MTRFR: variants seen among roughly 807,000 people sequenced by gnomAD.
The protein encoded by MTRFR is mitochondrial translation release factor in rescue, also known as probable peptide chain release factor C12orf65, mitochondrial.
In MTRFR, 10 loss-of-function variants were observed where a neutral mutation model predicts 11.9. The observed-to-expected ratio is 0.84, with a 90% CI of 0.52 to 1.42. The LOEUF (loss-of-function observed/expected upper bound fraction) is 1.42. MTRFR is among the 40% of genes most tolerant of loss of function. The pLI is 0.00. For missense variants in MTRFR, 196 were observed against 197.9 expected (o/e 0.99, Z 0.06); for synonymous variants, 77 against 79.1 (o/e 0.97, Z 0.14).
At chr12:123,254,357 T>G in intron 2 of MTRFR, 1 of 216,728 alleles carries the variant, frequency 4.6e-6, no homozygotes, top group Non-Finnish European at 9.4e-6. Context: ...GCTGCCGAGA[T>G]CCCCAGCATT....
In MTRFR at chr12:123,257,044, AG is replaced by A. The variant is rs886049040; in HGVS notation, c.*14del. 3.1e-6 allele frequency: 5 copies of A among 1,597,928 alleles called. No individual in the cohort carries two copies. Among genetic ancestry groups the A allele is most frequent in the Non-Finnish European group, 4.3e-6 (5 of 1,167,120 alleles). ...AAAGGTCCACTGAGAAAAGAATTAG[AG>A]ATTCCAACTGACAGAATCTGCCAGA... On this transcript the variant is annotated 3_prime_UTR_variant, in exon 3 of 3. Coordinates refer to ENST00000253233, the MANE Select transcript of MTRFR (RefSeq NM_152269.5).
At chr12:123,235,697 G>A (rs766149903) in intron 1 of MTRFR, among the ~76,000 whole-genome samples, 29 of 151,020 alleles carry the variant, frequency 1.9e-4, no homozygotes, top group Admixed American at 1.5e-3. Flanking sequence ...TTAATTAATT[G>A]TTCACAGTCA....
intron 1 of MTRFR, among the ~76,000 whole-genome samples, chr12:123,237,334 A>G (rs2138742671): frequency 6.6e-6 from 1 of 152,122 alleles, no homozygotes; most frequent in South Asian, 2.1e-4. Context: ...GGAGGCTGAG[A>G]CAGGAGAATC....
chr12:123,241,141 G>C, intron 1 of MTRFR, among the ~76,000 whole-genome samples: 1 of 148,828 alleles, frequency 6.7e-6, no homozygotes, highest in South Asian at 2.1e-4. Flanking sequence ...ATTTGGGGTT[G>C]TTTTTTTTTT....
chr12:123,246,707 C>G (rs1392006774), intron 1 of MTRFR, among the ~76,000 whole-genome samples: 1 of 110,392 alleles, frequency 9.1e-6, no homozygotes, highest in African/African-American at 4.9e-5. Context: ...GATATAATTT[C>G]AATTTTTTTT....
At chr12:123,252,538 T>G (rs567813155) in intron 1 of MTRFR, 1 of 150,166 alleles carries the variant, frequency 6.7e-6, no homozygotes, top group Non-Finnish European at 1.5e-5. Context: ...TTCAAATCCA[T>G]GAAACTGGAA....
At chr12:123,255,211 G>A (rs184799698) in intron 2 of MTRFR, among the ~76,000 whole-genome samples, 2 of 152,172 alleles carry the variant, frequency 1.3e-5, no homozygotes, top group Admixed American at 6.5e-5. Flanking sequence ...CCTGCCCAAG[G>A]TCCTGCCACT....
chr12:123,235,720 C>G (rs1593269804), intron 1 of MTRFR, among the ~76,000 whole-genome samples: 1 of 151,650 alleles, frequency 6.6e-6, no homozygotes, highest in East Asian at 1.9e-4. Flanking sequence ...GATCAAACTT[C>G]TTGTTCTACT....
At chr12:123,237,422 C>T (rs1200476042) in intron 1 of MTRFR, among the ~76,000 whole-genome samples, 1 of 152,162 alleles carries the variant, frequency 6.6e-6, no homozygotes, top group Non-Finnish European at 1.5e-5. Flanking sequence ...AAGCGAAACT[C>T]CGGCTCAAAA....
intron 1 of MTRFR, among the ~76,000 whole-genome samples, chr12:123,241,770 C>G (rs544835150): frequency 6.6e-6 from 1 of 152,312 alleles, no homozygotes; most frequent in South Asian, 2.1e-4. Context: ...TTGCTCCGGC[C>G]ACAGGCCTTG....
At chr12:123,251,001 GGTCT>G (rs2048105136) in intron 1 of MTRFR, 1 of 152,310 alleles carries the variant, frequency 6.6e-6, no homozygotes, top group Non-Finnish European at 1.5e-5. Context: ...TCCTTGGGCG[GGTCT>G]TGCTGCGGCT....
chr12:123,233,834 G>T, intron 1 of MTRFR: 1 of 153,146 alleles, frequency 6.5e-6, no homozygotes, highest in Non-Finnish European at 1.5e-5. Context: ...GAGGCCCAAG[G>T]CGAAACGGAA....
In MTRFR at chr12:123,234,249, A is replaced by C. The variant is rs549589982; in HGVS notation, c.-29+718A>C. ...CCTCCAGGAGTTCTGGCTCACAGTA[A>C]AGGGACTTCCCTGGCACTATCACTT... On this transcript the variant is annotated intron_variant, in intron 1 of 2. Transcript: ENST00000253233. Among the ~76,000 whole-genome samples the C allele has an allele frequency of 8.5e-5, 13 of 152,292 alleles. 1 individual carries two copies. The South Asian group carries it at 2.5e-3, about 29-fold the overall frequency.
chr12:123,255,493 G>C (rs2048173728), intron 2 of MTRFR, among the ~76,000 whole-genome samples: 1 of 150,330 alleles, frequency 6.7e-6, no homozygotes, highest in Non-Finnish European at 1.5e-5. Flanking sequence ...GTCTTGTTTT[G>C]TCAGCCAGGT....
At chr12:123,238,844 G>A (rs2047889262) in intron 1 of MTRFR, among the ~76,000 whole-genome samples, 3 of 152,152 alleles carry the variant, frequency 2.0e-5, no homozygotes, top group African/African-American at 7.2e-5. Flanking sequence ...ACTTTGGGTA[G>A]CAAGATTCTA....
Position 123,244,929 on chromosome 12 carries a change from C to CCTTTTTTT in MTRFR, c.-28-8718_-28-8717insCTTTTTTT, listed in dbSNP as rs1170457743. ...TACAGGTATGAGCCACCGCACCCGG[C>CCTTTTTTT]ATTTTTTTTTTTTTTTTTTTTTTTT... On this transcript the variant is annotated intron_variant, in intron 1 of 2. Transcript: ENST00000253233. Among the ~76,000 whole-genome samples the CCTTTTTTT allele has an allele frequency of 1.1e-4, 7 of 64,300 alleles. No individual in the cohort carries two copies. In the South Asian group the frequency reaches 2.5e-3, roughly 23 times the overall value. 42.2% of individuals were successfully genotyped at this position (64,300 alleles called of 152,430 possible). A position where few individuals can be genotyped will look rare whatever the true frequency, so the allele number is the denominator to read the frequency against.
chr12:123,242,971 T>C (rs987064097), intron 1 of MTRFR, among the ~76,000 whole-genome samples: 9 of 152,202 alleles, frequency 5.9e-5, no homozygotes, highest in Admixed American at 5.9e-4. Context: ...GTTTTGTGGA[T>C]TGAAAACAGG....
At chr12:123,253,006 C>T (rs569370175) in intron 1 of MTRFR, among the ~76,000 whole-genome samples, 20 of 150,862 alleles carry the variant, frequency 1.3e-4, no homozygotes, top group African/African-American at 4.9e-4. Context: ...TGGCACTTGA[C>T]CCAGATCCTA....
rs2048187319 is a variant in MTRFR at position 123,256,864 on chromosome 12, C to T, written c.334C>T (p.Leu112=). 13 of 1,613,900 alleles carry T rather than the reference C, an allele frequency of 8.1e-6. No individual in the cohort carries two copies. The highest frequency in any genetic ancestry group is 1.0e-5 in the Non-Finnish European group (12 of 1,179,894). The change falls in exon 3 of 3, where the codon CTA becomes TTA. Residue 112 remains leucine, a synonymous_variant. Transcript: ENST00000253233. Reference sequence around the variant, plus strand: ...GAACAGAAAGCTAGCTCGGAAAATCCTACAAGAGAAAGTAGATGTTTTCTA... The same window carrying T: ...GAACAGAAAGCTAGCTCGGAAAATCTTACAAGAGAAAGTAGATGTTTTCTA... The part of the protein sequence containing the change: ...DQNRKLARKI[L]QEKVDVFYNG...
Sources: gnomAD v4.1 joint callset for allele counts (sites outside exome capture counted in the v4.1 genomes callset) on GRCh38, gnomAD v4.1.1 for gene constraint, MANE v1.5 for transcripts, NCBI Gene and HGNC (gene_info 2026-07-23, HGNC 2026-07-21) for gene names.